OSBP2: variants seen among roughly 807,000 people sequenced by gnomAD.
OSBP2 encodes the protein oxysterol binding protein 2.
OSBP2 carries 66 observed loss-of-function variants against 96.0 expected under a neutral mutation model. The observed-to-expected ratio is 0.69, with a 90% CI of 0.56 to 0.84. The LOEUF is 0.84. Among genes scored for constraint, OSBP2 ranks in the 40% least tolerant of loss-of-function variants. The pLI is 0.00. For missense variants in OSBP2, 1,038 were observed against 1,222.7 expected, an observed-to-expected ratio of 0.85 and a Z score of 2.25; for synonymous variants, 525 against 520.9, an observed-to-expected ratio of 1.01 and a Z score of -0.11.
intron 2 of OSBP2, among the ~76,000 whole-genome samples, chr22:30,827,856 A>T (rs1180484602): frequency 6.6e-6 from 1 of 152,258 alleles, no homozygotes; most frequent in Non-Finnish European, 1.5e-5. Flanking sequence ...AGCAAGGAAG[A>T]TAATCATTGG....
intron 2 of OSBP2, among the ~76,000 whole-genome samples, chr22:30,773,774 T>G (rs136319): frequency 0.42 from 63,687 of 151,758 alleles, 14,485 homozygotes; most frequent in African/African-American, 0.61. Context: ...CACAGAGCCA[T>G]CTTGGAAAAG....
chr22:30,776,194 C>T (rs2145798148), intron 2 of OSBP2, among the ~76,000 whole-genome samples: 1 of 151,518 alleles, frequency 6.6e-6, no homozygotes, highest in Non-Finnish European at 1.5e-5. Context: ...GATGTGTTCT[C>T]AGCTCACTGC....
chr22:30,710,509 G>T (rs897145707), intron 1 of OSBP2, among the ~76,000 whole-genome samples: 4 of 152,028 alleles, frequency 2.6e-5, no homozygotes, highest in Non-Finnish European at 5.9e-5. Context: ...TGGCCCTAGA[G>T]TCCTTTGGAA....
At chr22:30,761,351 A>G (rs1185137981) in intron 2 of OSBP2, among the ~76,000 whole-genome samples, 1 of 152,226 alleles carries the variant, frequency 6.6e-6, no homozygotes, top group Non-Finnish European at 1.5e-5. Context: ...ATCACTTACA[A>G]TGACCCCATG....
intron 13 of OSBP2, 63 bp from the exon 14 acceptor site, chr22:30,906,134 G>GGGAC (rs2147204312): frequency 6.2e-7 from 1 of 1,611,190 alleles, no homozygotes; most frequent in Non-Finnish European, 8.5e-7. Flanking sequence ...GGGTGCCGCA[G>GGGAC]GGACGGATTC....
intron 2 of OSBP2, among the ~76,000 whole-genome samples, chr22:30,809,933 G>C (rs984287106): frequency 1.3e-5 from 2 of 152,162 alleles, no homozygotes; most frequent in African/African-American, 4.8e-5. Flanking sequence ...CTGGTGCCTA[G>C]GGAAAGAAAG....
intron 1 of OSBP2, among the ~76,000 whole-genome samples, chr22:30,720,038 CCTT>C (rs1213043651): frequency 6.6e-6 from 1 of 152,154 alleles, no homozygotes; most frequent in Admixed American, 6.6e-5. Context: ...GTTAGAAAAT[CCTT>C]CTGTTGAGCT....
At chr22:30,729,128 C>A (rs973611772) in intron 1 of OSBP2, among the ~76,000 whole-genome samples, 4 of 152,112 alleles carry the variant, frequency 2.6e-5, no homozygotes, top group Admixed American at 2.0e-4. Flanking sequence ...TGTGAAGTGC[C>A]TACTCAAGTT....
chr22:30,889,849 GC>G (rs1388059538), intron 7 of OSBP2, among the ~76,000 whole-genome samples: 1 of 152,190 alleles, frequency 6.6e-6, no homozygotes, highest in Non-Finnish European at 1.5e-5. Flanking sequence ...GACAGGAGGA[GC>G]CAGGGAGAAG....
intron 1 of OSBP2, among the ~76,000 whole-genome samples, chr22:30,730,801 TA>T (rs1324024593): frequency 0.048 from 2,684 of 56,426 alleles, 341 homozygotes; most frequent in South Asian, 0.073. Flanking sequence ...TATATATATA[TA>T]TATATAATTT....
intron 2 of OSBP2, among the ~76,000 whole-genome samples, chr22:30,761,124 G>GA (rs948757551): frequency 1.3e-5 from 2 of 152,004 alleles, no homozygotes; most frequent in African/African-American, 4.8e-5. Context: ...TATAATGCAA[G>GA]AAAAAAGAAG....
intron 2 of OSBP2, among the ~76,000 whole-genome samples, chr22:30,792,672 C>A (rs2090693150): frequency 6.6e-6 from 1 of 152,148 alleles, no homozygotes; most frequent in Non-Finnish European, 1.5e-5. Flanking sequence ...TGGTTGGCAA[C>A]ATGTTTTATA....
chr22:30,832,259 G>C (rs2038537658), intron 2 of OSBP2, among the ~76,000 whole-genome samples: 1 of 151,766 alleles, frequency 6.6e-6, no homozygotes. Flanking sequence ...TAAATGATAT[G>C]AACTATGCAG....
At chr22:30,782,355 G>A (rs747932594) in intron 2 of OSBP2, among the ~76,000 whole-genome samples, 7 of 152,038 alleles carry the variant, frequency 4.6e-5, no homozygotes, top group Non-Finnish European at 7.4e-5. Context: ...TTGTGTGATC[G>A]TTTGCATTTT....
chr22:30,740,647 A>G (rs553583566), intron 1 of OSBP2, among the ~76,000 whole-genome samples: 1 of 152,250 alleles, frequency 6.6e-6, no homozygotes, highest in South Asian at 2.1e-4. Context: ...TCTCAGTCAT[A>G]ATTTTGCAAA....
At chr22:30,695,679 A>C in intron 1 of OSBP2, 126 bp downstream of exon 1, 1 of 1,475,856 alleles carries the variant, frequency 6.8e-7, no homozygotes. Flanking sequence ...CATGCATTCC[A>C]GCAGGCCAAG....
intron 3 of OSBP2, among the ~76,000 whole-genome samples, chr22:30,884,377 CAGAG>C (rs1248526189): frequency 6.6e-6 from 1 of 152,280 alleles, no homozygotes. Context: ...GTCTGTCTCA[CAGAG>C]AGGATGTGGG....
At chr22:30,867,471 C>CTCAT (rs992727431) in intron 2 of OSBP2, among the ~76,000 whole-genome samples, 3 of 152,222 alleles carry the variant, frequency 2.0e-5, no homozygotes, top group African/African-American at 7.2e-5. Context: ...CATTCACTCA[C>CTCAT]TCATTCACTC....
chr22:30,903,271 C>A (rs964771007), intron 12 of OSBP2, among the ~76,000 whole-genome samples: 3 of 152,214 alleles, frequency 2.0e-5, no homozygotes, highest in Non-Finnish European at 4.4e-5. Context: ...AACCAGAAGT[C>A]ACTGACAGAC....
Sources: gnomAD v4.1 joint callset for allele counts (sites outside exome capture counted in the v4.1 genomes callset) on GRCh38, gnomAD v4.1.1 for gene constraint, MANE v1.5 for transcripts, NCBI Gene and HGNC (gene_info 2026-07-23, HGNC 2026-07-21) for gene names.